Variants in FNIP2 observed in about 807,000 individuals in gnomAD.
FNIP2 encodes the protein folliculin interacting protein 2.
FNIP2 carries 32 observed loss-of-function variants against 108.7 expected under a neutral mutation model. The ratio of observed to expected loss-of-function variants is 0.29; its 90% CI spans 0.22 to 0.40. The LOEUF (loss-of-function observed/expected upper bound fraction) is 0.40, where lower values mean the gene tolerates loss of function less well. FNIP2 is among the 10% of genes least tolerant of loss of function. The pLI, the probability that FNIP2 is intolerant of heterozygous loss-of-function variation, is 1.00. For synonymous variants in FNIP2, 480 were observed against 496.7 expected (o/e 0.97, Z 0.45); for missense variants, 1,202 against 1,381.6 (o/e 0.87, Z 2.06).
chr4:158,828,715 G>A (rs891035395), intron 2 of FNIP2, among the ~76,000 whole-genome samples: 1 of 152,082 alleles, frequency 6.6e-6, no homozygotes, highest in Non-Finnish European at 1.5e-5. Context: ...TAGATTTGAA[G>A]CCTCATCTTT....
Position 158,870,434 on chromosome 4 carries a change from C to G in FNIP2, c.2914C>G (p.Gln972Glu), listed in dbSNP as rs748685940. The change falls in exon 14 of 17, where the codon CAG (glutamine) becomes GAG (glutamate). Residue 972 changes from glutamine (Q) to glutamate (E), a missense_variant. Physicochemically the swap from Gln to Glu is conservative, Grantham distance 29. Transcript: ENST00000264433. The stretch of plus-strand genomic sequence containing the variant: ...GACCGGCAGTGATGAGAAGCTGAAG[C>G]AGTGCCTGGTGGCCGACCTTGTCCA... ...HGTGSDEKLK[Q>E]CLVADLVHTV... 31 of 1,613,906 alleles carry G rather than the reference C, an allele frequency of 1.9e-5. No homozygotes were observed. In the East Asian group the frequency reaches 6.7e-4, roughly 35 times the overall value.
intron 7 of FNIP2, among the ~76,000 whole-genome samples, chr4:158,837,846 T>G (rs1320153900): frequency 6.6e-6 from 1 of 152,126 alleles, no homozygotes. Context: ...GTTCTCCTGT[T>G]GGGAGGAAGG....
intron 7 of FNIP2, among the ~76,000 whole-genome samples, chr4:158,836,833 AAAAAAG>A: frequency 6.6e-6 from 1 of 150,988 alleles, no homozygotes; most frequent in Non-Finnish European, 1.5e-5. Flanking sequence ...AAAAAAAAAA[AAAAAAG>A]AGACTCATTG....
intron 1 of FNIP2, among the ~76,000 whole-genome samples, chr4:158,795,282 C>T (rs1776549984): frequency 6.6e-6 from 1 of 152,168 alleles, no homozygotes; most frequent in African/African-American, 2.4e-5. Context: ...GTAAATATGA[C>T]AGAAAAGAGG....
intron 1 of FNIP2, among the ~76,000 whole-genome samples, chr4:158,789,576 T>A (rs1776336253): frequency 6.6e-6 from 1 of 152,184 alleles, no homozygotes; most frequent in African/African-American, 2.4e-5. Context: ...TTCAAAAGCA[T>A]CTGTTGACAT....
chr4:158,852,515 TA>T (rs2126654333), intron 8 of FNIP2, among the ~76,000 whole-genome samples: 1 of 152,364 alleles, frequency 6.6e-6, no homozygotes, highest in South Asian at 2.1e-4. Flanking sequence ...AGATGTCTGA[TA>T]GAATAAGTTA....
At chr4:158,796,684 A>G (rs1776602057) in intron 1 of FNIP2, among the ~76,000 whole-genome samples, 1 of 152,216 alleles carries the variant, frequency 6.6e-6, no homozygotes, top group African/African-American at 2.4e-5. Context: ...AACACGTCGC[A>G]TTTGTCTAGA....
At chr4:158,891,760 G>A in intron 15 of FNIP2, 114 bp downstream of exon 15, 2 of 1,024,612 alleles carry the variant, frequency 2.0e-6, no homozygotes, top group Non-Finnish European at 2.8e-6. Flanking sequence ...TTGGAGATTA[G>A]CATAACTAAA....
At chr4:158,894,196 A>T (rs1255761800) in intron 15 of FNIP2, among the ~76,000 whole-genome samples, 1 of 139,644 alleles carries the variant, frequency 7.2e-6, no homozygotes, top group Non-Finnish European at 1.5e-5. Context: ...TTTGAGACAG[A>T]GTTTCATTTT....
chr4:158,770,847 C>T (rs184504906), intron 1 of FNIP2, among the ~76,000 whole-genome samples: 3 of 152,308 alleles, frequency 2.0e-5, no homozygotes, highest in African/African-American at 7.2e-5. Context: ...TTTGACAGCT[C>T]TTGCCAAGGA....
chr4:158,829,486 C>T (rs1041116056), intron 3 of FNIP2, among the ~76,000 whole-genome samples: 31 of 152,074 alleles, frequency 2.0e-4, no homozygotes, highest in African/African-American at 6.8e-4. Context: ...GGTAAATTAC[C>T]TTGCTTTGTT....
rs540378547 is a variant in FNIP2 at position 158,882,039 on chromosome 4, A to G, written c.2950-9407A>G. Among the ~76,000 whole-genome samples the G allele has an allele frequency of 5.5e-5, 8 of 145,722 alleles. No individual in the cohort carries two copies. The East Asian group carries it at 1.2e-3, about 22-fold the overall frequency. ...CTGCCCAGTCTCTGCCCGGCCGCCC[A>G]TTGTCTGAGATGTGGGGAGTGCCTC... On this transcript the variant is annotated intron_variant, in intron 14 of 16. Coordinates refer to ENST00000264433, the MANE Select transcript of FNIP2 (RefSeq NM_020840.3).
At chr4:158,836,979 G>A (rs1323926169) in intron 7 of FNIP2, among the ~76,000 whole-genome samples, 1 of 152,154 alleles carries the variant, frequency 6.6e-6, no homozygotes, top group Admixed American at 6.5e-5. Flanking sequence ...AACTCCTCCA[G>A]TCTTTGTGGG....
rs10019907 is a variant in FNIP2, at chr4:158,866,317, C to G, written c.1466-1785C>G. 2.4e-3 allele frequency among the ~76,000 whole-genome samples: 328 copies of G among 136,302 alleles called. 1 individual carries two copies. The highest frequency in any genetic ancestry group is 8.6e-3 in the African/African-American group (321 of 37,238). 89.4% of individuals were successfully genotyped at this position (136,302 alleles called of 152,430 possible). On this transcript the variant is annotated intron_variant, in intron 12 of 16. Coordinates refer to ENST00000264433, the MANE Select transcript of FNIP2 (RefSeq NM_020840.3). Reference sequence around the variant, plus strand: ...CACTGCAACCTCTGCCTCCCGGGCTCAAGCGATTCTCCTGCCTCAGCCTCC... The same window carrying G: ...CACTGCAACCTCTGCCTCCCGGGCTGAAGCGATTCTCCTGCCTCAGCCTCC...
chr4:158,854,553 AG>A (rs1406134483), intron 8 of FNIP2, among the ~76,000 whole-genome samples: 1 of 152,272 alleles, frequency 6.6e-6, no homozygotes, highest in Non-Finnish European at 1.5e-5. Context: ...CCCCATCATA[AG>A]GGTCATGGCT....
chr4:158,806,450 C>A, intron 1 of FNIP2: 1 of 1,267,886 alleles, frequency 7.9e-7, no homozygotes, highest in Non-Finnish European at 1.0e-6. Flanking sequence ...GTTTCAAAGT[C>A]TCAGATAATT....
intron 16 of FNIP2, among the ~76,000 whole-genome samples, chr4:158,900,877 A>G (rs1046412064): frequency 1.3e-5 from 2 of 152,182 alleles, no homozygotes; most frequent in Non-Finnish European, 2.9e-5. Flanking sequence ...TCCTGTCATT[A>G]TGATGCTAGT....
chr4:158,817,843 C>A (rs182673205), intron 1 of FNIP2, among the ~76,000 whole-genome samples: 285 of 152,332 alleles, frequency 1.9e-3, no homozygotes, highest in Non-Finnish European at 3.0e-3. Context: ...CCATGCCTGG[C>A]CCCACCCCTT....
At chr4:158,781,778 A>C (rs1231355404) in intron 1 of FNIP2, among the ~76,000 whole-genome samples, 1 of 152,124 alleles carries the variant, frequency 6.6e-6, no homozygotes, top group Non-Finnish European at 1.5e-5. Context: ...TGGCCTCCGC[A>C]AGGTGCTGGG....
Sources: gnomAD v4.1 joint callset for allele counts (sites outside exome capture counted in the v4.1 genomes callset) on GRCh38, gnomAD v4.1.1 for gene constraint, MANE v1.5 for transcripts, NCBI Gene and HGNC (gene_info 2026-07-23, HGNC 2026-07-21) for gene names.